Variants in PADI3 observed in about 807,000 individuals in gnomAD.
PADI3 encodes the protein protein-arginine deiminase type-3.
Under a neutral mutation model 71.5 loss-of-function variants are expected in PADI3, and 53 were observed. The observed-to-expected ratio is 0.74, with a 90% confidence interval of 0.59 to 0.93. The LOEUF (loss-of-function observed/expected upper bound fraction) is 0.93, where lower values mean the gene tolerates loss of function less well. Ranked by LOEUF, PADI3 falls within the 40% of genes least tolerant of loss-of-function variation. The pLI is 0.00. For synonymous variants in PADI3, 361 were observed against 347.5 expected (o/e 1.04, Z -0.43); for missense variants, 821 against 868.0 (o/e 0.95, Z 0.68).
intron 13 of PADI3, among the ~76,000 whole-genome samples, chr1:17,278,990 C>T (rs141907666): frequency 7.1e-4 from 108 of 152,286 alleles, no homozygotes; most frequent in African/African-American, 2.5e-3. Flanking sequence ...AACTAGACTC[C>T]GGTGAACCTA....
rs760629812 is a variant in PADI3, at chr1:17,265,765, G to A, written c.408+45G>A. The A allele has an allele frequency of 9.0e-6, 14 of 1,563,156 alleles. No individual in the cohort carries two copies. The Admixed American group carries it at 2.0e-4, about 22-fold the overall frequency. On this transcript the variant is annotated intron_variant, in intron 4 of 15. Coordinates refer to ENST00000375460, the MANE Select transcript of PADI3 (RefSeq NM_016233.2). Reference sequence around the variant, plus strand: ...CCCAGGAAGCAGGAGTGCAGTTGGAGCTTGCTCTAGGTTGGGTTAAGAAGG... The same window carrying A: ...CCCAGGAAGCAGGAGTGCAGTTGGAACTTGCTCTAGGTTGGGTTAAGAAGG...
chr1:17,271,836 C>CAAAAAAAAAAAA (rs71571852), intron 9 of PADI3, among the ~76,000 whole-genome samples: 24 of 79,396 alleles, frequency 3.0e-4, no homozygotes, highest in Non-Finnish European at 4.6e-4. Flanking sequence ...GCAACAACAA[C>CAAAAAAAAAAAA]AAAAAAAAAA....
At chr1:17,268,030 GT>G (rs763921952) in intron 6 of PADI3, 68 bp downstream of exon 6, 71 of 1,593,084 alleles carry the variant, frequency 4.5e-5, no homozygotes, top group Non-Finnish European at 5.8e-5. Flanking sequence ...GGAACCTCCT[GT>G]TCCTGCCTTG....
chr1:17,264,800 C>T (rs1448307762), intron 3 of PADI3, among the ~76,000 whole-genome samples: 1 of 151,956 alleles, frequency 6.6e-6, no homozygotes, highest in Non-Finnish European at 1.5e-5. Context: ...CACTTGAGCC[C>T]AGTAGTTCAA....
At position 17,269,703 on chromosome 1, in the gene PADI3, C is replaced by T. The variant is rs367793209; in HGVS notation, c.653-530C>T. On this transcript the variant is annotated intron_variant, in intron 6 of 15. Coordinates refer to ENST00000375460, the MANE Select transcript of PADI3 (RefSeq NM_016233.2). ...TGTGATCTTGGCTCACTGCAACCTC[C>T]GCCTCCTGGGTTCAAGCAATCCTCC... Among the ~76,000 whole-genome samples the T allele has an allele frequency of 5.9e-5, 9 of 152,092 alleles. No individual in the cohort carries two copies. The South Asian group carries it at 1.0e-3, about 18-fold the overall frequency.
intron 1 of PADI3, among the ~76,000 whole-genome samples, chr1:17,254,078 G>T (rs2072998451): frequency 6.6e-6 from 1 of 152,154 alleles, no homozygotes. Flanking sequence ...AAATACGGGG[G>T]ATTTGGAAAA....
At chr1:17,280,260 A>G (rs2073384086) in intron 13 of PADI3, 90 bp from the exon 14 acceptor site, 1 of 988,946 alleles carries the variant, frequency 1.0e-6, no homozygotes, top group Non-Finnish European at 1.6e-6. Flanking sequence ...ATTAGCTGTG[A>G]ACTTGGCTCC....
At chr1:17,280,065 C>A (rs3003438) in intron 13 of PADI3, among the ~76,000 whole-genome samples, 34,614 of 152,168 alleles carry the variant, frequency 0.23, 4,481 homozygotes, top group African/African-American at 0.37. Flanking sequence ...GGCAGTTGTA[C>A]ATTTCCAGTG....
At position 17,281,838 on chromosome 1, in the gene PADI3, C is replaced by G. The variant is rs112124228; in HGVS notation, c.1762-1008C>G. ...GTCCTGATTCAGCAGGTCTAAAGCA[C>G]GGCCCGAGGCACTGCTGCCGCGCTA... On this transcript the variant is annotated intron_variant, in intron 15 of 15. Coordinates refer to ENST00000375460, the MANE Select transcript of PADI3 (RefSeq NM_016233.2). 3.5e-3 allele frequency among the ~76,000 whole-genome samples: 531 copies of G among 152,308 alleles called. 5 individuals are homozygous for G. Among genetic ancestry groups the G allele is most frequent in the African/African-American group, 0.012 (508 of 41,574 alleles).
At chr1:17,250,536 GTGAGGAGC>G (rs2072953584) in intron 1 of PADI3, among the ~76,000 whole-genome samples, 1 of 152,180 alleles carries the variant, frequency 6.6e-6, no homozygotes, top group Non-Finnish European at 1.5e-5. Flanking sequence ...ATGAGAGGGG[GTGAGGAGC>G]TGGTCATGGG....
intron 1 of PADI3, among the ~76,000 whole-genome samples, chr1:17,257,194 T>A (rs902047928): frequency 2.0e-5 from 3 of 152,126 alleles, no homozygotes; most frequent in African/African-American, 7.2e-5. Flanking sequence ...TGACTCTCCA[T>A]CTCGCTGGGT....
In PADI3 at chr1:17,266,752, G is replaced by A. The variant is rs556844138; in HGVS notation, c.442G>A (p.Gly148Ser). The A allele has an allele frequency of 3.8e-5, 61 of 1,614,014 alleles. No individual in the cohort carries two copies. Among genetic ancestry groups the A allele is most frequent in the Admixed American group, 3.3e-4 (20 of 59,988 alleles). Residue 148 changes from glycine to serine, a missense_variant, in exon 5 of 16, where the codon GGC becomes AGC. By Grantham distance (56) the Gly-to-Ser change is moderately conservative (BLOSUM62 0). Transcript: ENST00000375460. The part of the protein sequence containing the change: ...QWVWGPSGYG[G>S]ILLVNCDRDD... ...GGTCTGGGGGCCCAGTGGGTATGGC[G>A]GCATCTTGCTGGTGAACTGTGACCG... is the stretch of plus-strand genomic sequence containing the variant.
At chr1:17,251,780 C>T (rs2072969042) in intron 1 of PADI3, among the ~76,000 whole-genome samples, 1 of 152,172 alleles carries the variant, frequency 6.6e-6, no homozygotes, top group Non-Finnish European at 1.5e-5. Context: ...TTAACTGTCA[C>T]CATTATCATC....
At chr1:17,272,317 G>A (rs777814825) in intron 9 of PADI3, among the ~76,000 whole-genome samples, 17 of 152,186 alleles carry the variant, frequency 1.1e-4, no homozygotes, top group South Asian at 2.1e-4. Context: ...GGTTGAGGTC[G>A]GAGACCTTGA....
In PADI3 at chr1:17,283,288, G is replaced by GC. The variant is rs1375516523; in HGVS notation, c.*215dup. The GC allele has an allele frequency of 7.3e-6, 4 of 548,750 alleles. No individual in the cohort carries two copies. The East Asian group carries it at 9.0e-5, about 12-fold the overall frequency. 34.0% of individuals were successfully genotyped at this position (548,750 alleles called of 1,614,324 possible). A position where few individuals can be genotyped will look rare whatever the true frequency, so the allele number is the denominator to read the frequency against. On this transcript the variant is annotated 3_prime_UTR_variant, in exon 16 of 16. Transcript: ENST00000375460. ...TGGTTCTCAGACTTGAATCTTCTCG[G>GC]CCCCCCAAAAAGAAGGACCTCATTT...
intron 9 of PADI3, among the ~76,000 whole-genome samples, chr1:17,271,393 C>T (rs987591480): frequency 6.6e-6 from 1 of 152,200 alleles, no homozygotes; most frequent in Non-Finnish European, 1.5e-5. Context: ...CGGATCTGGG[C>T]TAGGCACTAG....
In PADI3 at chr1:17,282,644, A is replaced by G. The variant is rs370953326; in HGVS notation, c.1762-202A>G. 1.1e-4 allele frequency among the ~76,000 whole-genome samples: 16 copies of G among 152,340 alleles called. No individual in the cohort carries two copies. The South Asian group carries it at 2.9e-3, about 28-fold the overall frequency. On this transcript the variant is annotated intron_variant, in intron 15 of 15. Coordinates refer to ENST00000375460, the MANE Select transcript of PADI3 (RefSeq NM_016233.2). ...GGCAGTTTCCAGAGCACGTTGCCAGAGTGAGTTCTGCGGATGCTCCCAAAG... is the reference window on the plus strand; with the variant it reads ...GGCAGTTTCCAGAGCACGTTGCCAGGGTGAGTTCTGCGGATGCTCCCAAAG...
chr1:17,270,944 G>A lies in PADI3; in HGVS notation c.897G>A (p.Thr299=), dbSNP rs745786433. The A allele has an allele frequency of 2.0e-5, 33 of 1,614,000 alleles. No homozygotes were observed. The highest frequency in any genetic ancestry group is 2.7e-5 in the Non-Finnish European group (32 of 1,179,982). Residue 299 remains threonine (T), a synonymous_variant, in exon 8 of 16, where the codon ACG becomes ACA. Transcript: ENST00000375460. ...TCCGAGTGGCACCCTGGATCATGAC[G>A]CCCAGCACTCTGCCACCCCTAGAGG... ...VVFRVAPWIM[T]PSTLPPLEVY...
intron 6 of PADI3, among the ~76,000 whole-genome samples, chr1:17,268,484 C>T (rs1374227510): frequency 7.3e-6 from 1 of 136,570 alleles, no homozygotes; most frequent in African/African-American, 2.7e-5. Context: ...AAAATGTATA[C>T]AAGTAATAAG....
Sources: gnomAD v4.1 joint callset for allele counts (sites outside exome capture counted in the v4.1 genomes callset) on GRCh38, gnomAD v4.1.1 for gene constraint, MANE v1.5 for transcripts, NCBI Gene and HGNC (gene_info 2026-07-23, HGNC 2026-07-21) for gene names.